The following ASRGL1 variants were observed in gnomAD, a reference collection of about 807,000 sequenced individuals.
ASRGL1 encodes the protein isoaspartyl peptidase/L-asparaginase.
Under a neutral mutation model 22.4 loss-of-function variants are expected in ASRGL1, and 16 were observed. That is an observed-to-expected ratio of 0.71 (90% CI 0.48 to 1.08). The LOEUF (loss-of-function observed/expected upper bound fraction) is 1.08, where lower values mean the gene tolerates loss of function less well. Ranked by LOEUF, ASRGL1 falls within the 50% of genes least tolerant of loss-of-function variation. The pLI, the probability that ASRGL1 is intolerant of heterozygous loss-of-function variation, is 0.00. For synonymous variants in ASRGL1, 165 were observed against 159.3 expected, an observed-to-expected ratio of 1.04 and a Z score of -0.27; for missense variants, 412 against 410.1, an observed-to-expected ratio of 1.00 and a Z score of -0.04.
intron 2 of ASRGL1, among the ~76,000 whole-genome samples, chr11:62,343,875 G>A (rs1384385549): frequency 6.7e-6 from 1 of 149,152 alleles, no homozygotes; most frequent in Non-Finnish European, 1.5e-5. Context: ...TAAATGGGAA[G>A]TGATATTTAA....
At chr11:62,378,046 C>T (rs1199806891) in intron 4 of ASRGL1, among the ~76,000 whole-genome samples, 1 of 152,070 alleles carries the variant, frequency 6.6e-6, no homozygotes. Context: ...ATCTGGGTCT[C>T]CTCTTAAGAT....
intron 4 of ASRGL1, among the ~76,000 whole-genome samples, chr11:62,358,104 C>T (rs760633697): frequency 2.6e-5 from 4 of 152,198 alleles, no homozygotes; most frequent in Admixed American, 2.0e-4. Flanking sequence ...TGCGGTGGCT[C>T]ACACCTGTAA....
chr11:62,379,974 TTATC>T (rs773768718), intron 4 of ASRGL1, among the ~76,000 whole-genome samples: 44 of 152,258 alleles, frequency 2.9e-4, no homozygotes, highest in Middle Eastern at 3.4e-3. Flanking sequence ...GGGTGGCTCT[TTATC>T]TGTTGTTGTT....
In ASRGL1 at chr11:62,362,540, TAAAA is replaced by T. The variant is rs1565161934; in HGVS notation, c.491+5397_491+5400del. 1.4e-4 allele frequency among the ~76,000 whole-genome samples: 7 copies of T among 51,044 alleles called. No homozygotes were observed. The South Asian group carries it at 2.2e-3, about 16-fold the overall frequency. 33.5% of individuals were successfully genotyped at this position (51,044 alleles called of 152,430 possible). A position where few individuals can be genotyped will look rare whatever the true frequency, so the allele number is the denominator to read the frequency against. On this transcript the variant is annotated intron_variant, in intron 4 of 6. Coordinates refer to ENST00000415229, the MANE Select transcript of ASRGL1 (RefSeq NM_001083926.2). ...TATTATTTATATAATATATATTATATAAAATATATAACATATATTATTTATATAA... is the reference window on the plus strand; with the variant it reads ...TATTATTTATATAATATATATTATATTATATAACATATATTATTTATATAA...
intron 2 of ASRGL1, among the ~76,000 whole-genome samples, chr11:62,348,355 A>G (rs1444211459): frequency 6.6e-6 from 1 of 152,158 alleles, no homozygotes; most frequent in African/African-American, 2.4e-5. Flanking sequence ...AAAGCAGTTT[A>G]GGGAAAGGGG....
chr11:62,355,268 C>T (rs184796504), intron 2 of ASRGL1, among the ~76,000 whole-genome samples: 76 of 149,100 alleles, frequency 5.1e-4, no homozygotes, highest in African/African-American at 1.3e-3. Context: ...CTCTGTCGCC[C>T]AGGCTGGAGT....
chr11:62,366,604 G>A (rs1421284243), intron 4 of ASRGL1, among the ~76,000 whole-genome samples: 1 of 150,194 alleles, frequency 6.7e-6, no homozygotes, highest in Non-Finnish European at 1.5e-5. Context: ...GCCTAGTTTT[G>A]TCCTACACTC....
intron 1 of ASRGL1, 143 bp downstream of exon 1, chr11:62,337,717 T>A (rs1028211836): frequency 1.1e-5 from 4 of 370,302 alleles, no homozygotes; most frequent in African/African-American, 9.4e-5. Flanking sequence ...GGGCGCGGGT[T>A]AACGTCCCCG....
intron 4 of ASRGL1, among the ~76,000 whole-genome samples, chr11:62,362,461 TATATATATTATATAAAATATATATA>T (rs1309013650): frequency 4.9e-5 from 5 of 101,226 alleles, no homozygotes; most frequent in African/African-American, 6.7e-5. Context: ...ACCAAAAATA[TATATATATTATATAAAATATATATA>T]ATATATATTA....
chr11:62,388,080 C>T (rs1393380248), intron 4 of ASRGL1, among the ~76,000 whole-genome samples: 4 of 152,152 alleles, frequency 2.6e-5, no homozygotes, highest in South Asian at 4.1e-4. Flanking sequence ...GTTGCTGCTA[C>T]GCTACACACC....
intron 5 of ASRGL1, among the ~76,000 whole-genome samples, chr11:62,390,769 G>C (rs1434312626): frequency 6.6e-6 from 1 of 152,158 alleles, no homozygotes; most frequent in Non-Finnish European, 1.5e-5. Context: ...CTCAACTCCT[G>C]AGTCCTTGCC....
At chr11:62,378,161 CTT>C (rs1470054616) in intron 4 of ASRGL1, among the ~76,000 whole-genome samples, 3 of 152,072 alleles carry the variant, frequency 2.0e-5, no homozygotes, top group Non-Finnish European at 2.9e-5. Flanking sequence ...TTTAATGTGT[CTT>C]TTCTTATTTC....
At chr11:62,359,742 C>A (rs1946388220) in intron 4 of ASRGL1, among the ~76,000 whole-genome samples, 1 of 151,928 alleles carries the variant, frequency 6.6e-6, no homozygotes, top group East Asian at 1.9e-4. Flanking sequence ...CCTGTAGTTG[C>A]TAACTCTCCG....
chr11:62,379,920 G>A, intron 4 of ASRGL1, among the ~76,000 whole-genome samples: 1 of 149,386 alleles, frequency 6.7e-6, no homozygotes, highest in East Asian at 2.0e-4. Context: ...GAATTTGATA[G>A]AATTCTAATA....
At chr11:62,343,601 G>A (rs967671114) in intron 2 of ASRGL1, among the ~76,000 whole-genome samples, 1 of 149,784 alleles carries the variant, frequency 6.7e-6, no homozygotes, top group Admixed American at 6.7e-5. Context: ...GGTGGCACAC[G>A]CCTGTAGTCC....
Position 62,356,416 on chromosome 11 carries a change from A to C in ASRGL1, c.282A>C (p.Ala94=), listed in dbSNP as rs754170218. The C allele has an allele frequency of 3.1e-6, 5 of 1,614,130 alleles. No homozygotes were observed. The highest frequency in any genetic ancestry group is 4.2e-6 in the Non-Finnish European group (5 of 1,180,036). The change falls in exon 3 of 7, where the codon GCA becomes GCC. Residue 94 remains alanine, a synonymous_variant. Coordinates refer to ENST00000415229, the MANE Select transcript of ASRGL1 (RefSeq NM_001083926.2). ...ACCTGTCTGCAGGAGCAGTGTCCGC[A>C]GTCCAGTGTATAGCAAATCCCATTA... ...GKDLSAGAVS[A]VQCIANPIKL... is the part of the protein sequence containing the mutation.
chr11:62,387,345 A>G (rs1006209249), intron 4 of ASRGL1, among the ~76,000 whole-genome samples: 4 of 152,186 alleles, frequency 2.6e-5, no homozygotes, highest in African/African-American at 9.7e-5. Flanking sequence ...TTTAAACTGA[A>G]ACTTAATTTT....
chr11:62,338,184 G>A lies in ASRGL1; in HGVS notation c.190+17G>A. ...TCAACGCAGGTAAATGTGCCTTTCAGCTAGTAAATAATGTGAGTCAGGTCA... is the reference window on the plus strand; with the variant it reads ...TCAACGCAGGTAAATGTGCCTTTCAACTAGTAAATAATGTGAGTCAGGTCA... On this transcript the variant is annotated intron_variant, in intron 2 of 6. Coordinates refer to ENST00000415229, the MANE Select transcript of ASRGL1 (RefSeq NM_001083926.2). 1 of 1,530,958 alleles carries A rather than the reference G, an allele frequency of 6.5e-7. No individual in the cohort carries two copies. 94.8% of individuals were successfully genotyped at this position (1,530,958 alleles called of 1,614,324 possible). A position where few individuals can be genotyped will look rare whatever the true frequency, so the allele number is the denominator to read the frequency against.
intron 4 of ASRGL1, among the ~76,000 whole-genome samples, chr11:62,383,642 C>T (rs1947130261): frequency 2.2e-5 from 3 of 135,206 alleles, no homozygotes; most frequent in African/African-American, 7.9e-5. Context: ...CATCATCAGG[C>T]CAGGCTTGGT....
Sources: gnomAD v4.1 joint callset for allele counts (sites outside exome capture counted in the v4.1 genomes callset) on GRCh38, gnomAD v4.1.1 for gene constraint, MANE v1.5 for transcripts, NCBI Gene and HGNC (gene_info 2026-07-23, HGNC 2026-07-21) for gene names.